Variants in NHSL2 observed in about 807,000 individuals in gnomAD.
NHSL2 encodes the protein NHS-like protein 2.
A neutral mutation model predicts 53.4 loss-of-function variants in NHSL2; 27 were observed. That is an observed-to-expected ratio of 0.51 (90% CI 0.37 to 0.70). The LOEUF is 0.70. Ranked by LOEUF, NHSL2 falls within the 30% of genes least tolerant of loss-of-function variation. The pLI is 0.00. For missense variants in NHSL2, 892 were observed against 980.1 expected (o/e 0.91, Z 1.20); for synonymous variants, 408 against 404.1 (o/e 1.01, Z -0.12).
intron 1 of NHSL2, among the ~76,000 whole-genome samples, chrX:72,085,399 C>T (rs193148241): frequency 5.2e-4 from 58 of 112,380 alleles, no homozygotes; most frequent in African/African-American, 1.2e-3. Flanking sequence ...TAGATATATT[C>T]GGATCATATT....
chrX:72,112,303 C>T (rs1031573594), intron 1 of NHSL2, among the ~76,000 whole-genome samples: 1 of 110,992 alleles, frequency 9.0e-6, no homozygotes, highest in Middle Eastern at 4.7e-3. Context: ...TGGGGAGCAA[C>T]GGGATGTGAT....
intron 1 of NHSL2, among the ~76,000 whole-genome samples, chrX:72,122,469 T>C (rs768067068): frequency 5.6e-4 from 63 of 112,883 alleles, no homozygotes; most frequent in African/African-American, 2.0e-3. Flanking sequence ...CACTATTAGC[T>C]ATTTTTGTTG....
At position 72,119,222 on chromosome X, in the gene NHSL2, C is replaced by T. The variant is rs750921561; in HGVS notation, c.281-12857C>T. 3.6e-5 allele frequency among the ~76,000 whole-genome samples: 4 copies of T among 111,913 alleles called. No homozygotes were observed. In the Admixed American group the frequency reaches 3.8e-4, roughly 11 times the overall value. On this transcript the variant is annotated intron_variant, in intron 1 of 7. Coordinates refer to ENST00000633930, the MANE Select transcript of NHSL2 (RefSeq NM_001013627.3). ...ATTGGGAATTGTGAGTCCTCCAACT[C>T]TGTTCTTTTTAAAGATTGCTTTGAC...
chrX:72,152,840 T>C lies in NHSL2; in HGVS notation c.*9266T>C, dbSNP rs1193170020. The C allele has an allele frequency of 8.9e-6, 1 of 112,759 alleles. No homozygotes were observed. Among genetic ancestry groups the C allele is most frequent in the Admixed American group, 9.4e-5 (1 of 10,659 alleles). 9.3% of individuals were successfully genotyped at this position (112,759 alleles called of 1,213,427 possible). On this transcript the variant is annotated 3_prime_UTR_variant, in exon 8 of 8. Coordinates refer to ENST00000633930, the MANE Select transcript of NHSL2 (RefSeq NM_001013627.3). ...TTGGATCCAAAAGCAGCAAAAATACTACACTTGCCAAAAGCAAACTGAGGA... is the reference window on the plus strand; with the variant it reads ...TTGGATCCAAAAGCAGCAAAAATACCACACTTGCCAAAAGCAAACTGAGGA...
chrX:72,007,695 G>A (rs886997001), intron 1 of NHSL2, among the ~76,000 whole-genome samples: 4 of 113,211 alleles, frequency 3.5e-5, no homozygotes, highest in African/African-American at 1.3e-4. Flanking sequence ...GAAAATCAAG[G>A]TCCTAAGGAG....
chrX:72,015,726 T>C (rs1307322681), intron 1 of NHSL2, among the ~76,000 whole-genome samples: 2 of 112,417 alleles, frequency 1.8e-5, no homozygotes, highest in Admixed American at 1.9e-4. Context: ...ATCATTTGCC[T>C]TTCCTTGATT....
At chrX:72,137,306 G>A in intron 5 of NHSL2, 81 bp downstream of exon 5, 5 of 973,515 alleles carry the variant, frequency 5.1e-6, no homozygotes, top group South Asian at 4.9e-5. Flanking sequence ...GTACTGTGGT[G>A]ATGGGGAACA....
At chrX:71,949,246 A>G (rs1000066424) in intron 1 of NHSL2, among the ~76,000 whole-genome samples, 1 of 111,402 alleles carries the variant, frequency 9.0e-6, no homozygotes, top group African/African-American at 3.3e-5. Context: ...CAGATCCCCC[A>G]ACAAGAAAAG....
chrX:71,919,298 C>T (rs2041644701), intron 1 of NHSL2, among the ~76,000 whole-genome samples: 1 of 111,838 alleles, frequency 8.9e-6, no homozygotes, highest in Non-Finnish European at 1.9e-5. Flanking sequence ...GCCACAGTTC[C>T]TCATCTGTAA....
At chrX:72,080,373 C>T (rs2041779861) in intron 1 of NHSL2, 1 of 111,532 alleles carries the variant, frequency 9.0e-6, no homozygotes, top group South Asian at 3.8e-4. Flanking sequence ...TATGCTGAGG[C>T]AGCCTGGGCT....
chrX:72,082,923 C>T lies in NHSL2; in HGVS notation c.281-49156C>T, dbSNP rs1447758928. On this transcript the variant is annotated intron_variant, in intron 1 of 7. Coordinates refer to ENST00000633930, the MANE Select transcript of NHSL2 (RefSeq NM_001013627.3). ...ACTCCAGCCTTGCAGATAACAGCTA[C>T]TGGGATCAGTAGCCTAAAACAATGA... Among the ~76,000 whole-genome samples the T allele has an allele frequency of 1.1e-4, 12 of 112,294 alleles. No individual in the cohort carries two copies. In the Admixed American group the frequency reaches 1.1e-3, roughly 11 times the overall value.
intron 5 of NHSL2, 68 bp downstream of exon 5, chrX:72,137,293 G>T: frequency 9.9e-7 from 1 of 1,010,210 alleles, no homozygotes; most frequent in Non-Finnish European, 1.3e-6. Flanking sequence ...TGCCACCCAG[G>T]TGGTACTGTG....
intron 1 of NHSL2, among the ~76,000 whole-genome samples, chrX:71,962,775 A>G (rs2041874193): frequency 9.2e-6 from 1 of 108,416 alleles, no homozygotes; most frequent in Admixed American, 1.0e-4. Context: ...GACTACAGGC[A>G]TGTGCCACTA....
intron 1 of NHSL2, among the ~76,000 whole-genome samples, chrX:72,077,629 T>C (rs1325340491): frequency 1.8e-5 from 2 of 112,223 alleles, no homozygotes; most frequent in African/African-American, 6.5e-5. Context: ...GGGACTCTAA[T>C]TTGTGGAGTC....
At chrX:72,124,354 A>G (rs897422088) in intron 1 of NHSL2, among the ~76,000 whole-genome samples, 3 of 111,269 alleles carry the variant, frequency 2.7e-5, no homozygotes, top group African/African-American at 9.8e-5. Flanking sequence ...CAGGAGGGGC[A>G]AGCTCACATC....
chrX:72,085,271 T>C (rs940744665), intron 1 of NHSL2, among the ~76,000 whole-genome samples: 9 of 112,211 alleles, frequency 8.0e-5, no homozygotes, highest in Non-Finnish European at 1.7e-4. Context: ...CATGCAGTTC[T>C]TTGCTTATTA....
chrX:72,123,718 A>G (rs961005576), intron 1 of NHSL2, among the ~76,000 whole-genome samples: 2 of 112,161 alleles, frequency 1.8e-5, no homozygotes, highest in Admixed American at 9.3e-5. Context: ...GACCTTCGCC[A>G]TGAGTTCACC....
At chrX:72,051,177 T>A (rs1467111352) in intron 1 of NHSL2, among the ~76,000 whole-genome samples, 1 of 112,418 alleles carries the variant, frequency 8.9e-6, no homozygotes, top group Non-Finnish European at 1.9e-5. Flanking sequence ...ATGTAGTTTG[T>A]TCATGTTAAC....
At chrX:71,961,965 G>T (rs761193719) in intron 1 of NHSL2, among the ~76,000 whole-genome samples, 1 of 112,342 alleles carries the variant, frequency 8.9e-6, no homozygotes, top group South Asian at 3.7e-4. Context: ...CAGTGTGCCC[G>T]GCCATTTATC....
Sources: allele counts gnomAD v4.1 joint callset (sites outside exome capture counted in the v4.1 genomes callset), GRCh38; gene constraint gnomAD v4.1.1; transcripts MANE v1.5; gene names NCBI Gene and HGNC (gene_info 2026-07-23, HGNC 2026-07-21).